Variants in SLC7A14 observed in about 807,000 individuals in gnomAD.
SLC7A14 encodes gamma-aminobutyric acid transporter SLC7A14.
In SLC7A14, 37 loss-of-function variants were observed where a neutral mutation model predicts 60.2. The observed-to-expected ratio is 0.61, with a 90% confidence interval of 0.47 to 0.81. The LOEUF (loss-of-function observed/expected upper bound fraction) is 0.81, where lower values mean the gene tolerates loss of function less well. Ranked by LOEUF, SLC7A14 falls within the 30% of genes least tolerant of loss-of-function variation. SLC7A14 has a pLI of 0.00. For synonymous variants in SLC7A14, 399 were observed against 395.8 expected (o/e 1.01, Z -0.10); for missense variants, 886 against 982.7 (o/e 0.90, Z 1.32).
intron 1 of SLC7A14, among the ~76,000 whole-genome samples, chr3:170,557,645 G>C (rs1368702516): frequency 6.6e-6 from 1 of 152,182 alleles, no homozygotes; most frequent in Non-Finnish European, 1.5e-5. Context: ...TCACTGACCA[G>C]CTGTGCGATC....
At chr3:170,483,291 A>G (rs1167122189) in intron 6 of SLC7A14, 23 bp downstream of exon 6, 2 of 1,613,260 alleles carry the variant, frequency 1.2e-6, no homozygotes, top group Non-Finnish European at 1.7e-6. Context: ...AGCAGGATAA[A>G]TTTCATGGAG....
intron 1 of SLC7A14, chr3:170,570,120 G>C (rs972920492): frequency 3.3e-5 from 5 of 151,992 alleles, no homozygotes; most frequent in Admixed American, 6.6e-5. Flanking sequence ...GCTAGGAAAG[G>C]CTTGATGTTC....
chr3:170,463,265 A>G lies in SLC7A14; in HGVS notation c.*3790T>C, dbSNP rs1173525072. The G allele has an allele frequency of 6.6e-6, 1 of 152,118 alleles. No homozygotes were observed. The highest frequency in any genetic ancestry group is 1.5e-5 in the Non-Finnish European group (1 of 68,044). 9.4% of individuals were successfully genotyped at this position (152,118 alleles called of 1,614,324 possible). A position where few individuals can be genotyped will look rare whatever the true frequency, so the allele number is the denominator to read the frequency against. On this transcript the variant is annotated 3_prime_UTR_variant, in exon 8 of 8. Coordinates refer to ENST00000231706, the MANE Select transcript of SLC7A14 (RefSeq NM_020949.3). ...TTTCTCTTAATGGAGGCACAGCACA[A>G]ATTCTTAGCCAGAGGACCACAAACT...
chr3:170,562,618 G>A (rs1466871073), intron 1 of SLC7A14, among the ~76,000 whole-genome samples: 1 of 151,968 alleles, frequency 6.6e-6, no homozygotes, highest in Non-Finnish European at 1.5e-5. Flanking sequence ...CATACCACCT[G>A]TTCCCCAAAA....
At chr3:170,486,503 TAA>T in intron 4 of SLC7A14, 135 bp from the exon 5 acceptor site, 7 of 1,090,220 alleles carry the variant, frequency 6.4e-6, no homozygotes, top group Admixed American at 3.9e-5. Context: ...GAACTCGTGC[TAA>T]ACACGCAGGT....
chr3:170,539,865 T>C (rs1713964314), intron 1 of SLC7A14, among the ~76,000 whole-genome samples: 1 of 152,218 alleles, frequency 6.6e-6, no homozygotes, highest in Admixed American at 6.5e-5. Flanking sequence ...GTTTAATTAA[T>C]AGATTAGCCA....
chr3:170,474,552 G>GT (rs1031943803), intron 7 of SLC7A14, among the ~76,000 whole-genome samples: 3 of 151,818 alleles, frequency 2.0e-5, no homozygotes, highest in African/African-American at 7.3e-5. Context: ...GGAAGAGCCC[G>GT]TTTTTTTTTC....
Position 170,486,105 on chromosome 3 carries a change from C to T in SLC7A14, c.906+117G>A, listed in dbSNP as rs914281344. 10 of 1,341,134 alleles carry T rather than the reference C, an allele frequency of 7.5e-6. No individual in the cohort carries two copies. In the Admixed American group the frequency reaches 9.7e-5, roughly 13 times the overall value. The allele number at this position is 1,341,134 out of a possible 1,614,324, so 83.1% of individuals were successfully genotyped here. Reference sequence around the variant, plus strand: ...TCATGGGGAGTGGGGAATGGGGCTACAGGGGACAAAAGACAGACACCAAGA... The same window carrying T: ...TCATGGGGAGTGGGGAATGGGGCTATAGGGGACAAAAGACAGACACCAAGA... On this transcript the variant is annotated intron_variant, in intron 5 of 7. Transcript: ENST00000231706.
rs576991911 is a variant in SLC7A14 at position 170,583,819 on chromosome 3, C to T, written c.-153+2092G>A. On this transcript the variant is annotated intron_variant, in intron 1 of 7. Transcript: ENST00000231706. Reference sequence around the variant, plus strand: ...GAACAGTGGTATCTCAAGCAGCATGCAAAAGCAGTTGGGAGGGTGGGAGTG... The same window carrying T: ...GAACAGTGGTATCTCAAGCAGCATGTAAAAGCAGTTGGGAGGGTGGGAGTG... 2.1e-3 allele frequency among the ~76,000 whole-genome samples: 321 copies of T among 152,226 alleles called. 1 individual carries two copies. The highest frequency in any genetic ancestry group is 3.6e-3 in the Non-Finnish European group (247 of 68,016).
chr3:170,533,048 C>T (rs1007657523), intron 1 of SLC7A14, among the ~76,000 whole-genome samples: 1 of 152,106 alleles, frequency 6.6e-6, no homozygotes, highest in Non-Finnish European at 1.5e-5. Flanking sequence ...GTAGGTTCAC[C>T]TTCAGTTGCC....
chr3:170,485,148 C>A (rs981458015), intron 5 of SLC7A14, among the ~76,000 whole-genome samples: 1 of 152,190 alleles, frequency 6.6e-6, no homozygotes, highest in Middle Eastern at 3.4e-3. Context: ...TGTATGGACA[C>A]GATGAAACCC....
chr3:170,476,911 C>T (rs1711635069), intron 7 of SLC7A14: 1 of 152,226 alleles, frequency 6.6e-6, no homozygotes, highest in Non-Finnish European at 1.5e-5. Context: ...TTGCAAAATG[C>T]CTCTGGTGCT....
chr3:170,481,001 C>T lies in SLC7A14; in HGVS notation c.1281G>A (p.Leu427=). The T allele has an allele frequency of 6.2e-7, 1 of 1,614,082 alleles. No individual in the cohort carries two copies. The highest frequency in any genetic ancestry group is 8.5e-7 in the Non-Finnish European group (1 of 1,180,018). ...LAYTLVSVCV[L]LLRYQPESDI... is the part of the protein sequence containing the mutation. Reference sequence around the variant, plus strand: ...CACTCTCAGGTTGGTATCGAAGGAGCAAGACACAGACAGAGACCAAGGTGT... The same window carrying T: ...CACTCTCAGGTTGGTATCGAAGGAGTAAGACACAGACAGAGACCAAGGTGT... The change falls in exon 7 of 8, where the codon TTG becomes TTA. Residue 427 remains leucine (L), a synonymous_variant. Transcript: ENST00000231706.
intron 1 of SLC7A14, among the ~76,000 whole-genome samples, chr3:170,572,455 T>C (rs577814262): frequency 1.3e-5 from 2 of 152,346 alleles, no homozygotes; most frequent in South Asian, 2.1e-4. Context: ...ATAAGTATTA[T>C]GATATAGCTG....
At chr3:170,477,969 C>T (rs756028751) in intron 7 of SLC7A14, among the ~76,000 whole-genome samples, 12 of 152,196 alleles carry the variant, frequency 7.9e-5, no homozygotes, top group Non-Finnish European at 1.3e-4. Flanking sequence ...TACCCACTTC[C>T]ATCACTTCTA....
intron 2 of SLC7A14, among the ~76,000 whole-genome samples, chr3:170,505,001 A>G (rs1374312999): frequency 6.6e-6 from 1 of 152,210 alleles, no homozygotes; most frequent in Non-Finnish European, 1.5e-5. Context: ...CTTGTATCAT[A>G]TATGACTGCT....
At position 170,460,215 on chromosome 3, in the gene SLC7A14, C is replaced by T. The variant is rs975926597; in HGVS notation, c.*6840G>A. Reference sequence around the variant, plus strand: ...CAAGTTGTACTTCTCAAGGACGAAACGAAAAAGAAACAAGTTAGTAAAATT... The same window carrying T: ...CAAGTTGTACTTCTCAAGGACGAAATGAAAAAGAAACAAGTTAGTAAAATT... On this transcript the variant is annotated 3_prime_UTR_variant, in exon 8 of 8. Transcript: ENST00000231706. 3 of 152,102 alleles carry T rather than the reference C, an allele frequency of 2.0e-5. No individual in the cohort carries two copies. The highest frequency in any genetic ancestry group is 4.8e-5 in the African/African-American group (2 of 41,492). The allele number at this position is 152,102 out of a possible 1,614,324, so 9.4% of individuals were successfully genotyped here. A position where few individuals can be genotyped will look rare whatever the true frequency, so the allele number is the denominator to read the frequency against.
chr3:170,483,532 CAAGAG>C lies in SLC7A14; in HGVS notation c.907-15_907-11del. The stretch of plus-strand genomic sequence containing the variant: ...TTAAGATCACGCTCACCTGTTAAAA[CAAGAG>C]AAGACAGGGCTGGAGGTACAGGGGA... On this transcript the variant is annotated splice_polypyrimidine_tract_variant and intron_variant, in intron 5 of 7. Coordinates refer to ENST00000231706, the MANE Select transcript of SLC7A14 (RefSeq NM_020949.3). 6.2e-7 allele frequency: 1 copy of C among 1,614,142 alleles called. No homozygotes were observed. The highest frequency in any genetic ancestry group is 8.5e-7 in the Non-Finnish European group (1 of 1,179,988).
At chr3:170,481,305 A>G (rs569158708) in intron 6 of SLC7A14, 139 bp from the exon 7 acceptor site, 3 of 837,638 alleles carry the variant, frequency 3.6e-6, no homozygotes, top group East Asian at 5.5e-5. Context: ...TTACTTCTGC[A>G]TTCACTACTT....
Sources: gnomAD v4.1 joint callset for allele counts (sites outside exome capture counted in the v4.1 genomes callset) on GRCh38, gnomAD v4.1.1 for gene constraint, MANE v1.5 for transcripts, NCBI Gene and HGNC (gene_info 2026-07-23, HGNC 2026-07-21) for gene names.